Variants in LRRC1 observed in about 807,000 individuals in gnomAD.
The protein encoded by LRRC1 is leucine-rich repeat-containing protein 1.
Under a neutral mutation model 69.9 loss-of-function variants are expected in LRRC1, and 28 were observed. The ratio of observed to expected loss-of-function variants is 0.40; its 90% confidence interval spans 0.30 to 0.55. The LOEUF (loss-of-function observed/expected upper bound fraction) is 0.55, where lower values mean the gene tolerates loss of function less well. LRRC1 is among the 20% of genes least tolerant of loss of function. The probability of loss-of-function intolerance (pLI) is 0.47; values close to 1 mark genes in which losing one functional copy is unlikely to be tolerated. For synonymous variants in LRRC1, 236 were observed against 240.2 expected (o/e 0.98, Z 0.16); for missense variants, 498 against 609.0 (o/e 0.82, Z 1.92).
At chr6:53,846,063 T>C (rs1765934282) in intron 2 of LRRC1, among the ~76,000 whole-genome samples, 1 of 152,234 alleles carries the variant, frequency 6.6e-6, no homozygotes, top group African/African-American at 2.4e-5. Context: ...TTTCTGGATG[T>C]TTCCTTGCTC....
At chr6:53,799,597 C>T (rs984039169) in intron 1 of LRRC1, among the ~76,000 whole-genome samples, 1 of 152,146 alleles carries the variant, frequency 6.6e-6, no homozygotes, top group Non-Finnish European at 1.5e-5. Flanking sequence ...CCTTTGATTG[C>T]CTTATCTTTG....
At position 53,795,146 on chromosome 6, in the gene LRRC1, C is replaced by T. The variant is rs1764248680; in HGVS notation, c.-111C>T. ...GCGAGAAGCGAGCTAACCCAAGAGC[C>T]AACAACGAGCGCGGAGAGGGCAGCG... On this transcript the variant is annotated 5_prime_UTR_variant, in exon 1 of 14. Coordinates refer to ENST00000370888, the MANE Select transcript of LRRC1 (RefSeq NM_018214.5). 1 of 976,662 alleles carries T rather than the reference C, an allele frequency of 1.0e-6. No individual in the cohort carries two copies. Among genetic ancestry groups the T allele is most frequent in the African/African-American group, 1.7e-5 (1 of 59,514 alleles). The allele number at this position is 976,662 out of a possible 1,614,324, so 60.5% of individuals were successfully genotyped here. A position where few individuals can be genotyped will look rare whatever the true frequency, so the allele number is the denominator to read the frequency against.
At chr6:53,898,459 T>G (rs1767942077) in intron 7 of LRRC1, among the ~76,000 whole-genome samples, 1 of 151,966 alleles carries the variant, frequency 6.6e-6, no homozygotes, top group Non-Finnish European at 1.5e-5. Flanking sequence ...AGGAAAGAGG[T>G]GTGTATGTTC....
chr6:53,819,139 T>A (rs1385370492), intron 1 of LRRC1, among the ~76,000 whole-genome samples: 1 of 152,112 alleles, frequency 6.6e-6, no homozygotes, highest in African/African-American at 2.4e-5. Context: ...AGAGAGGCAA[T>A]TAAGGGTCAG....
chr6:53,820,726 A>G (rs555567830), intron 1 of LRRC1, among the ~76,000 whole-genome samples: 82 of 152,264 alleles, frequency 5.4e-4, no homozygotes, highest in African/African-American at 1.9e-3. Flanking sequence ...GTGATGTAAT[A>G]TATGTAATAA....
intron 4 of LRRC1, among the ~76,000 whole-genome samples, chr6:53,884,581 C>T (rs1767410497): frequency 6.6e-6 from 1 of 152,136 alleles, no homozygotes; most frequent in African/African-American, 2.4e-5. Flanking sequence ...CTGTCCTCCT[C>T]TTGCTCCTCA....
intron 1 of LRRC1, among the ~76,000 whole-genome samples, chr6:53,807,274 C>G (rs1764659773): frequency 6.6e-6 from 1 of 152,112 alleles, no homozygotes. Flanking sequence ...ACAGACCCTC[C>G]CTCCTCCTTC....
chr6:53,795,449 G>C, intron 1 of LRRC1, 34 bp downstream of exon 1: 1 of 1,585,124 alleles, frequency 6.3e-7, no homozygotes, highest in Non-Finnish European at 8.5e-7. Context: ...CGCTCTGCCC[G>C]CTCGTCTGCT....
Position 53,899,957 on chromosome 6 carries a change from A to C in LRRC1, c.787+66A>C, listed in dbSNP as rs1170648642. ...CCGTCGTCTTGAGGGTTTGGGGCAC[A>C]CTTTGATCCTTTGGTCACCACTTTC... On this transcript the variant is annotated intron_variant, in intron 8 of 13. Coordinates refer to ENST00000370888, the MANE Select transcript of LRRC1 (RefSeq NM_018214.5). 15 of 1,464,374 alleles carry C rather than the reference A, an allele frequency of 1.0e-5. No homozygotes were observed. The East Asian group carries it at 3.4e-4, about 34-fold the overall frequency. 90.7% of individuals were successfully genotyped at this position (1,464,374 alleles called of 1,614,324 possible).
intron 4 of LRRC1, among the ~76,000 whole-genome samples, chr6:53,885,613 T>C (rs1363283915): frequency 6.6e-6 from 1 of 152,206 alleles, no homozygotes; most frequent in Non-Finnish European, 1.5e-5. Flanking sequence ...TCAGTGAAGA[T>C]AGGACTTCAT....
chr6:53,846,027 TTTGATTCTAAAAGC>T (rs985265495), intron 2 of LRRC1, among the ~76,000 whole-genome samples: 5 of 152,256 alleles, frequency 3.3e-5, no homozygotes, highest in African/African-American at 1.2e-4. Flanking sequence ...TCACGTTTGC[TTTGATTCTAAAAGC>T]AAAACTAGAC....
intron 2 of LRRC1, among the ~76,000 whole-genome samples, chr6:53,844,849 G>T (rs928744730): frequency 5.9e-5 from 9 of 152,196 alleles, no homozygotes; most frequent in African/African-American, 2.2e-4. Context: ...TGTGGTGGAT[G>T]TGGGGGTAGA....
chr6:53,813,216 G>A (rs1003091464), intron 1 of LRRC1, among the ~76,000 whole-genome samples: 3 of 152,184 alleles, frequency 2.0e-5, no homozygotes, highest in African/African-American at 7.2e-5. Flanking sequence ...AGATTCATAA[G>A]AGGAAGCAGC....
At chr6:53,872,394 G>A (rs1302226279) in intron 2 of LRRC1, among the ~76,000 whole-genome samples, 1 of 152,140 alleles carries the variant, frequency 6.6e-6, no homozygotes, top group Non-Finnish European at 1.5e-5. Flanking sequence ...TTTGTAGTGA[G>A]TGGATTTATT....
chr6:53,808,900 T>A (rs185817395), intron 1 of LRRC1, among the ~76,000 whole-genome samples: 10 of 152,336 alleles, frequency 6.6e-5, no homozygotes, highest in African/African-American at 1.7e-4. Context: ...CAATATCATT[T>A]AAGGAAAGGG....
At chr6:53,801,925 T>C (rs1021371406) in intron 1 of LRRC1, among the ~76,000 whole-genome samples, 1 of 152,208 alleles carries the variant, frequency 6.6e-6, no homozygotes, top group Non-Finnish European at 1.5e-5. Flanking sequence ...TAAAATGGAA[T>C]AACAGCCCAC....
intron 11 of LRRC1, among the ~76,000 whole-genome samples, chr6:53,916,649 A>G (rs1476899796): frequency 6.6e-6 from 1 of 152,164 alleles, no homozygotes; most frequent in Admixed American, 6.5e-5. Context: ...ATTTTTTGCC[A>G]GTTATGTTCC....
chr6:53,865,710 A>G (rs1398108102), intron 2 of LRRC1, among the ~76,000 whole-genome samples: 1 of 142,706 alleles, frequency 7.0e-6, no homozygotes, highest in Non-Finnish European at 1.5e-5. Context: ...CAGAGAACTT[A>G]CTTAATGACT....
At chr6:53,911,908 T>C (rs530748854) in intron 10 of LRRC1, among the ~76,000 whole-genome samples, 1 of 152,316 alleles carries the variant, frequency 6.6e-6, no homozygotes, top group Non-Finnish European at 1.5e-5. Context: ...AGGGAGAATA[T>C]GCTCAGCCAT....
Sources: gnomAD v4.1 joint callset for allele counts (sites outside exome capture counted in the v4.1 genomes callset) on GRCh38, gnomAD v4.1.1 for gene constraint, MANE v1.5 for transcripts, NCBI Gene and HGNC (gene_info 2026-07-23, HGNC 2026-07-21) for gene names.